The following MRPS18A variants were observed in gnomAD, a reference collection of about 807,000 sequenced individuals.
MRPS18A encodes large ribosomal subunit protein mL66.
A neutral mutation model predicts 22.7 loss-of-function variants in MRPS18A; 20 were observed. That is an observed-to-expected ratio of 0.88 (90% CI 0.62 to 1.28). MRPS18A has a LOEUF of 1.28. Among genes scored for constraint, MRPS18A ranks in the 50% most tolerant of loss-of-function variants. The pLI, the probability that MRPS18A is intolerant of heterozygous loss-of-function variation, is 0.00. For missense variants in MRPS18A, 294 were observed against 262.6 expected, an observed-to-expected ratio of 1.12 and a Z score of -0.83; for synonymous variants, 106 against 99.1, an observed-to-expected ratio of 1.07 and a Z score of -0.41.
intron 1 of MRPS18A, among the ~76,000 whole-genome samples, chr6:43,684,156 T>A (rs1363305989): frequency 1.3e-5 from 2 of 152,070 alleles, no homozygotes; most frequent in African/African-American, 4.8e-5. Flanking sequence ...AAAACCTTGA[T>A]GGCCACATGA....
In MRPS18A at chr6:43,687,721, G is replaced by C. The variant is rs150490981; in HGVS notation, c.59C>G (p.Ala20Gly). The C allele has an allele frequency of 1.0e-5, 16 of 1,588,190 alleles. No homozygotes were observed. In the South Asian group the frequency reaches 1.0e-4, roughly 10 times the overall value. The part of the protein sequence containing the change: ...GCGRLLRGLL[A>G]GPAATSWSRL... Reference sequence around the variant, plus strand: ...AGACCAGCTGGTCGCTGCCGGGCCCGCTAGTAGCCCACGGAGAAGCCGCCC... The same window carrying C: ...AGACCAGCTGGTCGCTGCCGGGCCCCCTAGTAGCCCACGGAGAAGCCGCCC... The change falls in exon 1 of 6, where the codon GCG becomes GGG. Residue 20 changes from alanine to glycine, a missense_variant. Ala to Gly is a moderately conservative substitution (Grantham distance 60, BLOSUM62 0). Transcript: ENST00000372133.
chr6:43,674,343 A>C (rs189229463), intron 5 of MRPS18A, among the ~76,000 whole-genome samples: 34 of 152,322 alleles, frequency 2.2e-4, no homozygotes, highest in African/African-American at 7.5e-4. Flanking sequence ...ATTCTATTAA[A>C]AAAGGACAAA....
chr6:43,675,519 C>A lies in MRPS18A; in HGVS notation c.351G>T (p.Glu117Asp). Residue 117 changes from glutamate to aspartate, a missense_variant, in exon 4 of 6, where the codon GAG (glutamate) becomes GAT (aspartate). Glu to Asp is a conservative substitution (Grantham distance 45). Coordinates refer to ENST00000372133, the MANE Select transcript of MRPS18A (RefSeq NM_018135.4). ...LCQEEHRKIE[E>D]CVKMAHRAGL... Reference sequence around the variant, plus strand: ...CTGCTCGGTGGGCCATCTTCACACACTCCTCGATCTTGCGGTGTTCTTCCT... The same window carrying A: ...CTGCTCGGTGGGCCATCTTCACACAATCCTCGATCTTGCGGTGTTCTTCCT... The A allele has an allele frequency of 6.2e-7, 1 of 1,614,174 alleles. No individual in the cohort carries two copies. The highest frequency in any genetic ancestry group is 8.5e-7 in the Non-Finnish European group (1 of 1,180,024).
Position 43,671,252 on chromosome 6 carries a change from G to A in MRPS18A, c.*510C>T, listed in dbSNP as rs1773681338. ...CACACGAGAGCGGCAAGTGTGTCAG[G>A]CAGCCCACCTTGGCTCCCTGCAGCT... is the stretch of plus-strand genomic sequence containing the variant. On this transcript the variant is annotated 3_prime_UTR_variant, in exon 6 of 6. Transcript: ENST00000372133. 1 of 520,630 alleles carries A rather than the reference G, an allele frequency of 1.9e-6. No homozygotes were observed. Among genetic ancestry groups the A allele is most frequent in the East Asian group, 3.4e-5 (1 of 29,336 alleles). The allele number at this position is 520,630 out of a possible 1,614,324, so 32.3% of individuals were successfully genotyped here.
rs41281840 is a variant in MRPS18A at position 43,678,507 on chromosome 6, C to T, written c.252+11G>A. 0.013 allele frequency: 20,567 copies of T among 1,590,692 alleles called. 204 individuals are homozygous for T. Among genetic ancestry groups the T allele is most frequent in the Admixed American group, 0.029 (1,711 of 59,960 alleles). ...ACACACAGAACCGAGTGTCTCTGTA[C>T]CCAGACTCACGTCATAGTTATACTT... On this transcript the variant is annotated intron_variant, in intron 3 of 5. Transcript: ENST00000372133.
At chr6:43,681,843 A>G (rs923262829) in intron 1 of MRPS18A, among the ~76,000 whole-genome samples, 1 of 152,262 alleles carries the variant, frequency 6.6e-6, no homozygotes, top group Non-Finnish European at 1.5e-5. Context: ...TGAGGCAGTC[A>G]GAAGAGAATC....
At chr6:43,687,554 T>C (rs1414228183) in intron 1 of MRPS18A, 114 bp downstream of exon 1, 2 of 969,544 alleles carry the variant, frequency 2.1e-6, no homozygotes, top group African/African-American at 3.3e-5. Context: ...AGCCGGTACC[T>C]CCAAAGTTTC....
At chr6:43,685,364 A>T (rs953863340) in intron 1 of MRPS18A, among the ~76,000 whole-genome samples, 1 of 152,142 alleles carries the variant, frequency 6.6e-6, no homozygotes, top group Non-Finnish European at 1.5e-5. Context: ...ACTTTAAACC[A>T]GGCTTTCTCA....
chr6:43,678,491 A>G (rs1774192379), intron 3 of MRPS18A, 27 bp downstream of exon 3: 1 of 1,511,828 alleles, frequency 6.6e-7, no homozygotes, highest in Admixed American at 1.7e-5. Flanking sequence ...GACACACAGA[A>G]CCGAGTGTCT....
rs1773849500 is a variant in MRPS18A at position 43,673,218 on chromosome 6, CCTCA to C, written c.447-1316_447-1313del. Among the ~76,000 whole-genome samples the C allele has an allele frequency of 6.6e-6, 1 of 152,018 alleles. No homozygotes were observed. Among genetic ancestry groups the C allele is most frequent in the Non-Finnish European group, 1.5e-5 (1 of 68,014 alleles). On this transcript the variant is annotated intron_variant, in intron 5 of 5. Coordinates refer to ENST00000372133, the MANE Select transcript of MRPS18A (RefSeq NM_018135.4). This position sits in a 1 kb window ranked among gnomAD's most constrained non-coding sequence, Gnocchi z 4.2. Reference sequence around the variant, plus strand: ...GGCCAGGCTGGTCTTGAACTCCTGACCTCAAGTGATCCGCCCGCCTCGGCCTCCC... The same window carrying C: ...GGCCAGGCTGGTCTTGAACTCCTGACAGTGATCCGCCCGCCTCGGCCTCCC...
intron 2 of MRPS18A, 80 bp from the exon 3 acceptor site, chr6:43,678,705 G>T: frequency 9.9e-7 from 1 of 1,009,638 alleles, no homozygotes; most frequent in Non-Finnish European, 1.5e-6. Flanking sequence ...ACCCCAAAAT[G>T]ATGGTAATGC....
chr6:43,671,513 A>G lies in MRPS18A; in HGVS notation c.*249T>C. 1 of 561,778 alleles carries G rather than the reference A, an allele frequency of 1.8e-6. No individual in the cohort carries two copies. The highest frequency in any genetic ancestry group is 3.2e-6 in the Non-Finnish European group (1 of 314,140). The allele number at this position is 561,778 out of a possible 1,614,324, so 34.8% of individuals were successfully genotyped here. A position where few individuals can be genotyped will look rare whatever the true frequency, so the allele number is the denominator to read the frequency against. On this transcript the variant is annotated 3_prime_UTR_variant, in exon 6 of 6. Transcript: ENST00000372133. ...GGCAAAACTCCTGTCCCCAGCACTGAGCATGGCCTAAGCCCCATAGCAGCT... is the reference window on the plus strand; with the variant it reads ...GGCAAAACTCCTGTCCCCAGCACTGGGCATGGCCTAAGCCCCATAGCAGCT...
chr6:43,684,336 T>C (rs1774574059), intron 1 of MRPS18A, among the ~76,000 whole-genome samples: 1 of 152,002 alleles, frequency 6.6e-6, no homozygotes, highest in African/African-American at 2.4e-5. Context: ...CTGGAGTAAC[T>C]GATGGCTGGG....
chr6:43,678,848 A>C (rs555593343), intron 2 of MRPS18A, among the ~76,000 whole-genome samples: 38 of 152,150 alleles, frequency 2.5e-4, no homozygotes, highest in Non-Finnish European at 4.7e-4. Flanking sequence ...GGTGGCCTAC[A>C]GGGGTAATGG....
At chr6:43,675,712 C>T (rs534002251) in intron 3 of MRPS18A, 95 bp from the exon 4 acceptor site, 1 of 1,425,640 alleles carries the variant, frequency 7.0e-7, no homozygotes, top group South Asian at 1.4e-5. Context: ...AGGCTGATAT[C>T]TCCTGGGAAC....
chr6:43,675,729 G>C (rs1187343554), intron 3 of MRPS18A, 112 bp from the exon 4 acceptor site: 3 of 1,280,170 alleles, frequency 2.3e-6, no homozygotes, highest in Non-Finnish European at 3.2e-6. Flanking sequence ...GAACCTAGCT[G>C]AGATCACTTC....
chr6:43,676,510 T>C (rs745715793), intron 3 of MRPS18A, among the ~76,000 whole-genome samples: 1 of 152,130 alleles, frequency 6.6e-6, no homozygotes, highest in Non-Finnish European at 1.5e-5. Context: ...CTTCGGACCA[T>C]CACATGCCCA....
chr6:43,681,053 A>G (rs760580224), intron 2 of MRPS18A, 36 bp downstream of exon 2: 6 of 1,608,618 alleles, frequency 3.7e-6, no homozygotes, highest in South Asian at 1.1e-5. Flanking sequence ...TCCAAGCGTT[A>G]AAGAGGTTAT....
At position 43,675,629 on chromosome 6, in the gene MRPS18A, C is replaced by A; in HGVS notation, c.253-12G>T. 1 of 1,596,846 alleles carries A rather than the reference C, an allele frequency of 6.3e-7. No individual in the cohort carries two copies. The highest frequency in any genetic ancestry group is 8.5e-7 in the Non-Finnish European group (1 of 1,171,328). ...AGCAGCAGAACATCCTAGTGGAAACCGAAAATAGGGGATGAGGGTCAGCTG... is the reference window on the plus strand; with the variant it reads ...AGCAGCAGAACATCCTAGTGGAAACAGAAAATAGGGGATGAGGGTCAGCTG... On this transcript the variant is annotated splice_polypyrimidine_tract_variant and intron_variant, in intron 3 of 5. Coordinates refer to ENST00000372133, the MANE Select transcript of MRPS18A (RefSeq NM_018135.4).
Sources: gnomAD v4.1 joint callset for allele counts (sites outside exome capture counted in the v4.1 genomes callset) on GRCh38, gnomAD v4.1.1 for gene constraint, Gnocchi (gnomAD v3.1) non-coding constraint, MANE v1.5 for transcripts, NCBI Gene and HGNC (gene_info 2026-07-23, HGNC 2026-07-21) for gene names.